Variants in CDC27 observed in about 807,000 individuals in gnomAD.
The protein encoded by CDC27 is cell division cycle 27.
In CDC27, 27 loss-of-function variants were observed where a neutral mutation model predicts 109.7. The observed-to-expected ratio is 0.25, with a 90% confidence interval of 0.18 to 0.34. CDC27 has a LOEUF of 0.34. CDC27 is among the 10% of genes least tolerant of loss of function. The pLI is 1.00. For missense variants in CDC27, 579 were observed against 960.2 expected (o/e 0.60, Z 5.25); for synonymous variants, 266 against 333.9 (o/e 0.80, Z 2.22).
intron 17 of CDC27, among the ~76,000 whole-genome samples, chr17:47,123,402 CTTTTTTTTTT>C (rs57868315): frequency 8.1e-5 from 10 of 122,998 alleles, no homozygotes; most frequent in East Asian, 4.5e-4. Context: ...TTTTTTTCTA[CTTTTTTTTTT>C]TTTTTTTTTT....
chr17:47,121,828 C>T (rs1429556365), intron 18 of CDC27, among the ~76,000 whole-genome samples: 3 of 151,770 alleles, frequency 2.0e-5, no homozygotes, highest in African/African-American at 7.3e-5. Context: ...CAACTTCAGC[C>T]TCCTGGGTTC....
Position 47,137,353 on chromosome 17 carries a change from C to A in CDC27, c.1712G>T (p.Cys571Phe). Residue 571 changes from cysteine to phenylalanine, a missense_variant, in exon 14 of 19, where the codon TGT becomes TTT. This residue lies in a region of CDC27 where 227 missense variants were observed against 363.6 expected (regional missense o/e 0.62). Coordinates refer to ENST00000066544, the MANE Select transcript of CDC27 (RefSeq NM_001256.6). The stretch of plus-strand genomic sequence containing the variant: ...CAGACTGAAACAGTTCCCTGCAGCA[C>A]ACCAGGCCTTAAAAAAATGGGAACA... ...DMDKNSPEAW[C>F]AAGNCFSLQR... 6.4e-7 allele frequency: 1 copy of A among 1,554,888 alleles called. No individual in the cohort carries two copies. Among genetic ancestry groups the A allele is most frequent in the Non-Finnish European group, 8.7e-7 (1 of 1,155,426 alleles).
Position 47,118,046 on chromosome 17 carries a change from A to G in CDC27, c.*2889T>C, listed in dbSNP as rs1306516378. The G allele has an allele frequency of 6.6e-6, 1 of 152,200 alleles. No individual in the cohort carries two copies. Among genetic ancestry groups the G allele is most frequent in the Non-Finnish European group, 1.5e-5 (1 of 68,036 alleles). The allele number at this position is 152,200 out of a possible 1,614,324, so 9.4% of individuals were successfully genotyped here. ...CTGAAATAAGTCAGTTAAAGCAAAA[A>G]GAAGACACAAAATTACATTGTTTCA... is the stretch of plus-strand genomic sequence containing the variant. On this transcript the variant is annotated 3_prime_UTR_variant, in exon 19 of 19. Transcript: ENST00000066544.
chr17:47,168,913 G>A (rs1339744712), intron 4 of CDC27, among the ~76,000 whole-genome samples: 1 of 151,852 alleles, frequency 6.6e-6, no homozygotes, highest in East Asian at 1.9e-4. Context: ...TCTCCCACGG[G>A]GGAGAAGTGA....
intron 8 of CDC27, 110 bp downstream of exon 8, chr17:47,154,562 A>G (rs2063241497): frequency 8.2e-6 from 5 of 606,876 alleles, no homozygotes; most frequent in Non-Finnish European, 8.8e-6. Flanking sequence ...TTCAAATATA[A>G]GGCAAAAGCA....
chr17:47,183,802 T>C (rs929158063), intron 1 of CDC27, among the ~76,000 whole-genome samples: 3 of 152,186 alleles, frequency 2.0e-5, no homozygotes, highest in East Asian at 1.9e-4. Context: ...GGTGCTTATA[T>C]GTTGAATGAA....
At chr17:47,169,424 T>A (rs942819366) in intron 4 of CDC27, among the ~76,000 whole-genome samples, 1 of 151,932 alleles carries the variant, frequency 6.6e-6, no homozygotes, top group Non-Finnish European at 1.5e-5. Context: ...GGCAGGTGAA[T>A]CACCTTGAGG....
intron 1 of CDC27, among the ~76,000 whole-genome samples, chr17:47,187,298 TTTTA>T (rs1412716749): frequency 1.3e-5 from 2 of 152,082 alleles, no homozygotes; most frequent in African/African-American, 2.4e-5. Context: ...TGCTTTTATT[TTTTA>T]TTTATTTATT....
At chr17:47,126,920 A>G (rs190542640) in intron 16 of CDC27, among the ~76,000 whole-genome samples, 1 of 152,124 alleles carries the variant, frequency 6.6e-6, no homozygotes, top group Non-Finnish European at 1.5e-5. Context: ...CAGCCACTTG[A>G]GTAGCTGGGA....
intron 16 of CDC27, among the ~76,000 whole-genome samples, chr17:47,124,533 C>T (rs1455425852): frequency 6.6e-6 from 1 of 152,176 alleles, no homozygotes; most frequent in African/African-American, 2.4e-5. Context: ...ATCTGCCCGC[C>T]TCAGCCTACC....
intron 4 of CDC27, chr17:47,161,085 G>A (rs2063484165): frequency 6.7e-6 from 1 of 149,816 alleles, no homozygotes. Flanking sequence ...TAAAGGGATA[G>A]GATCCTGCTA....
chr17:47,137,061 T>C lies in CDC27; in HGVS notation c.1913+91A>G. Reference sequence around the variant, plus strand: ...CCATCCCTAAGTATAAGTAACCAAATTCATGATAATAAAGAGCTATCTAAC... The same window carrying C: ...CCATCCCTAAGTATAAGTAACCAAACTCATGATAATAAAGAGCTATCTAAC... On this transcript the variant is annotated intron_variant, in intron 14 of 18. Coordinates refer to ENST00000066544, the MANE Select transcript of CDC27 (RefSeq NM_001256.6). 6.2e-6 allele frequency: 4 copies of C among 640,460 alleles called. No individual in the cohort carries two copies. In the Admixed American group the frequency reaches 1.4e-4, roughly 23 times the overall value. The allele number at this position is 640,460 out of a possible 1,614,324, so 39.7% of individuals were successfully genotyped here.
At chr17:47,135,266 A>G (rs1035808661) in intron 14 of CDC27, among the ~76,000 whole-genome samples, 3 of 152,168 alleles carry the variant, frequency 2.0e-5, no homozygotes, top group Non-Finnish European at 4.4e-5. Flanking sequence ...TCCTATACTT[A>G]TAGACCTCAA....
chr17:47,189,029 C>G lies in CDC27; in HGVS notation c.27+117G>C, dbSNP rs567048716. The stretch of plus-strand genomic sequence containing the variant: ...ACTAAAGATAGGCAGGACACGGCAG[C>G]AGGGGAGGCGGGAGAAGCAGCCGGG... On this transcript the variant is annotated intron_variant, in intron 1 of 18. Coordinates refer to ENST00000066544, the MANE Select transcript of CDC27 (RefSeq NM_001256.6). The G allele has an allele frequency of 3.4e-5, 52 of 1,513,904 alleles. No homozygotes were observed. The African/African-American group carries it at 6.4e-4, about 19-fold the overall frequency. The allele number at this position is 1,513,904 out of a possible 1,614,324, so 93.8% of individuals were successfully genotyped here. A position where few individuals can be genotyped will look rare whatever the true frequency, so the allele number is the denominator to read the frequency against.
intron 16 of CDC27, among the ~76,000 whole-genome samples, chr17:47,128,655 G>A (rs1236805052): frequency 6.6e-6 from 1 of 152,042 alleles, no homozygotes; most frequent in Admixed American, 6.6e-5. Context: ...TCAAAAGCAG[G>A]AAAGATGATT....
intron 2 of CDC27, among the ~76,000 whole-genome samples, chr17:47,175,035 GAGAGAGGA>G (rs1353138805): frequency 7.3e-6 from 1 of 136,608 alleles, no homozygotes; most frequent in Non-Finnish European, 1.6e-5. Context: ...GAGAAAGAGA[GAGAGAGGA>G]AGGAAGGAAG....
Position 47,142,784 on chromosome 17 carries a change from T to G in CDC27, c.1171-348A>C, listed in dbSNP as rs568790652. Among the ~76,000 whole-genome samples the G allele has an allele frequency of 4.6e-5, 7 of 152,334 alleles. No individual in the cohort carries two copies. In the South Asian group the frequency reaches 1.2e-3, roughly 27 times the overall value. On this transcript the variant is annotated intron_variant, in intron 10 of 18. Transcript: ENST00000066544. The stretch of plus-strand genomic sequence containing the variant: ...ACCTCTGCCTCCCGGGTTCAAGCGA[T>G]TCTCCTGCTTCAGCCTCCCGCGTAA...
intron 9 of CDC27, among the ~76,000 whole-genome samples, chr17:47,148,770 C>T (rs543363274): frequency 9.2e-5 from 14 of 152,188 alleles, no homozygotes; most frequent in African/African-American, 1.2e-4. Context: ...AGCAACATCC[C>T]TAAAAAAATT....
chr17:47,166,373 GT>G (rs1230685041), intron 4 of CDC27, among the ~76,000 whole-genome samples: 3 of 152,146 alleles, frequency 2.0e-5, no homozygotes, highest in African/African-American at 7.2e-5. Context: ...TTTCATCTAA[GT>G]TGTTAAATTC....
Sources: gnomAD v4.1 joint callset for allele counts (sites outside exome capture counted in the v4.1 genomes callset) on GRCh38, gnomAD v4.1.1 for gene constraint, gnomAD v4.1.1 regional missense constraint, MANE v1.5 for transcripts, NCBI Gene and HGNC (gene_info 2026-07-23, HGNC 2026-07-21) for gene names.